BNC2: variants seen among roughly 807,000 people sequenced by gnomAD.
The protein encoded by BNC2 is zinc finger protein basonuclin-2.
BNC2 carries 20 observed loss-of-function variants against 76.3 expected under a neutral mutation model. The ratio of observed to expected loss-of-function variants is 0.26; its 90% confidence interval spans 0.18 to 0.38. The LOEUF is 0.38. Among genes scored for constraint, BNC2 ranks in the 10% least tolerant of loss-of-function variants. The pLI is 1.00. For missense variants in BNC2, 1,382 were observed against 1,399.8 expected (o/e 0.99, Z 0.20); for synonymous variants, 582 against 514.8 (o/e 1.13, Z -1.77).
chr9:16,820,255 G>C lies in BNC2; in HGVS notation c.3+50391C>G, dbSNP rs548091185. ...ACCCTGGTCAACATGGTGAAACCCC[G>C]TCTCTACCAAATATACAAAAATTAG... On this transcript the variant is annotated intron_variant, in intron 1 of 6. Transcript: ENST00000380672. 4.1e-5 allele frequency among the ~76,000 whole-genome samples: 6 copies of C among 146,530 alleles called. No homozygotes were observed. In the South Asian group the frequency reaches 1.3e-3, roughly 32 times the overall value.
At chr9:16,773,154 C>G (rs1222428829) in intron 1 of BNC2, among the ~76,000 whole-genome samples, 1 of 152,174 alleles carries the variant, frequency 6.6e-6, no homozygotes, top group African/African-American at 2.4e-5. Context: ...CTTGCCCAGA[C>G]AGACGGATGG....
chr9:16,509,878 T>G (rs1822713208), intron 5 of BNC2, among the ~76,000 whole-genome samples: 1 of 152,226 alleles, frequency 6.6e-6, no homozygotes, highest in East Asian at 1.9e-4. Flanking sequence ...CTTTCAACTG[T>G]AATGGTTAGC....
chr9:16,854,080 G>T (rs991890261), intron 1 of BNC2, among the ~76,000 whole-genome samples: 2 of 152,126 alleles, frequency 1.3e-5, no homozygotes, highest in Non-Finnish European at 2.9e-5. Flanking sequence ...ACCAACTTCT[G>T]TCCTGCTGCC....
intron 5 of BNC2, among the ~76,000 whole-genome samples, chr9:16,471,453 C>G (rs957271754): frequency 6.6e-6 from 1 of 152,040 alleles, no homozygotes; most frequent in Non-Finnish European, 1.5e-5. Flanking sequence ...ACCACCATGC[C>G]CAGCTGATTT....
At chr9:16,655,311 G>T (rs369971374) in intron 3 of BNC2, among the ~76,000 whole-genome samples, 1 of 152,066 alleles carries the variant, frequency 6.6e-6, no homozygotes, top group Non-Finnish European at 1.5e-5. Context: ...AAGCAAATAT[G>T]GGGGGACAGT....
At chr9:16,514,051 A>G (rs368849991) in intron 5 of BNC2, among the ~76,000 whole-genome samples, 9 of 152,174 alleles carry the variant, frequency 5.9e-5, no homozygotes, top group African/African-American at 2.2e-4. Flanking sequence ...TATCTCCTGC[A>G]ACTTTCTTCT....
intron 1 of BNC2, among the ~76,000 whole-genome samples, chr9:16,795,411 A>G (rs1306846543): frequency 1.3e-5 from 2 of 150,692 alleles, no homozygotes; most frequent in African/African-American, 4.9e-5. Context: ...AACACACTCC[A>G]GAAGTCATTG....
rs1197949171 is a variant in BNC2 at position 16,593,588 on chromosome 9, TA to T, written c.331-10504del. ...CCTATGATAATACATGCGATTTTGTTAGGCAATTAGTAATATTAAAGAAACA... is the reference window on the plus strand; with the variant it reads ...CCTATGATAATACATGCGATTTTGTTGGCAATTAGTAATATTAAAGAAACA... On this transcript the variant is annotated intron_variant, in intron 3 of 6. Transcript: ENST00000380672. 2.6e-5 allele frequency among the ~76,000 whole-genome samples: 4 copies of T among 152,186 alleles called. No homozygotes were observed. The South Asian group carries it at 8.3e-4, about 32-fold the overall frequency.
intron 5 of BNC2, among the ~76,000 whole-genome samples, chr9:16,447,499 G>T (rs1821253598): frequency 6.6e-6 from 1 of 152,022 alleles, no homozygotes; most frequent in Admixed American, 6.6e-5. Flanking sequence ...CGTATTTTTA[G>T]AATATGTGTA....
chr9:16,851,933 GATGA>G (rs1485169296), intron 1 of BNC2, among the ~76,000 whole-genome samples: 1 of 152,054 alleles, frequency 6.6e-6, no homozygotes, highest in East Asian at 1.9e-4. Flanking sequence ...TCCACCAGAG[GATGA>G]ATATTAAATA....
intron 6 of BNC2, among the ~76,000 whole-genome samples, chr9:16,425,672 T>TAC (rs1820790679): frequency 6.6e-6 from 1 of 152,246 alleles, no homozygotes; most frequent in African/African-American, 2.4e-5. Context: ...ATGGTTTGTT[T>TAC]ACTCCACTTT....
intron 5 of BNC2, among the ~76,000 whole-genome samples, chr9:16,524,869 T>TTC (rs1817743969): frequency 6.6e-6 from 1 of 150,722 alleles, no homozygotes; most frequent in Non-Finnish European, 1.5e-5. Flanking sequence ...AGGCCAGGAG[T>TTC]TCAAGACCAG....
intron 5 of BNC2, 30 bp downstream of exon 5, chr9:16,552,500 A>T: frequency 6.2e-7 from 1 of 1,600,496 alleles, no homozygotes; most frequent in Non-Finnish European, 8.6e-7. Context: ...TCGGCCCCGG[A>T]CACGGGCGGC....
At chr9:16,444,286 G>A (rs1821187644) in intron 5 of BNC2, among the ~76,000 whole-genome samples, 1 of 151,968 alleles carries the variant, frequency 6.6e-6, no homozygotes, top group African/African-American at 2.4e-5. Context: ...TATAAATGGG[G>A]GTACATGCTC....
At chr9:16,451,330 A>T (rs972337837) in intron 5 of BNC2, among the ~76,000 whole-genome samples, 1 of 152,118 alleles carries the variant, frequency 6.6e-6, no homozygotes, top group Non-Finnish European at 1.5e-5. Flanking sequence ...GATAGCCATT[A>T]AAAAAATAGC....
intron 5 of BNC2, among the ~76,000 whole-genome samples, chr9:16,465,392 T>C (rs79983037): frequency 0.017 from 2,241 of 131,794 alleles, 52 homozygotes; most frequent in African/African-American, 0.061. Flanking sequence ...GCTGAGATTG[T>C]GCAACTACAC....
At chr9:16,657,759 TC>T (rs1404592098) in intron 3 of BNC2, among the ~76,000 whole-genome samples, 1 of 152,198 alleles carries the variant, frequency 6.6e-6, no homozygotes, top group African/African-American at 2.4e-5. Context: ...GTTCATAATA[TC>T]AGACATACAA....
chr9:16,775,148 A>C (rs2135492723), intron 1 of BNC2, among the ~76,000 whole-genome samples: 1 of 152,316 alleles, frequency 6.6e-6, no homozygotes, highest in Middle Eastern at 3.4e-3. Context: ...CAGAATCAAA[A>C]GACCTGGGGG....
At chr9:16,463,883 G>T (rs895734579) in intron 5 of BNC2, among the ~76,000 whole-genome samples, 22 of 151,988 alleles carry the variant, frequency 1.4e-4, no homozygotes, top group African/African-American at 4.6e-4. Context: ...ATCACTTGAG[G>T]TTAGGTGTTT....
Sources: allele counts gnomAD v4.1 joint callset (sites outside exome capture counted in the v4.1 genomes callset), GRCh38; gene constraint gnomAD v4.1.1; transcripts MANE v1.5; gene names NCBI Gene and HGNC (gene_info 2026-07-23, HGNC 2026-07-21).